The following PDE11A variants were observed in gnomAD, a reference collection of about 807,000 sequenced individuals.
The protein encoded by PDE11A is phosphodiesterase 11A, also known as dual 3',5'-cyclic-AMP and -GMP phosphodiesterase 11A.
A neutral mutation model predicts 100.5 loss-of-function variants in PDE11A; 100 were observed. The observed-to-expected ratio is 1.00, with a 90% CI of 0.85 to 1.18. The LOEUF (loss-of-function observed/expected upper bound fraction) is 1.18, where lower values mean the gene tolerates loss of function less well. Among genes scored for constraint, PDE11A ranks in the 50% most tolerant of loss-of-function variants. The pLI is 0.00. For synonymous variants in PDE11A, 381 were observed against 420.8 expected (o/e 0.91, Z 1.16); for missense variants, 1,141 against 1,152.6 (o/e 0.99, Z 0.15).
intron 2 of PDE11A, among the ~76,000 whole-genome samples, chr2:177,921,209 C>T (rs985080430): frequency 6.7e-6 from 1 of 150,036 alleles, no homozygotes; most frequent in Non-Finnish European, 1.5e-5. Flanking sequence ...TTAATTTTTC[C>T]AAATTTTTGA....
At chr2:178,011,553 C>T (rs918552116) in intron 2 of PDE11A, among the ~76,000 whole-genome samples, 1 of 152,116 alleles carries the variant, frequency 6.6e-6, no homozygotes, top group Non-Finnish European at 1.5e-5. Context: ...GCCACCCTCC[C>T]AGCTACCACC....
chr2:177,909,786 T>G (rs1394301541), intron 2 of PDE11A, among the ~76,000 whole-genome samples: 2 of 84,546 alleles, frequency 2.4e-5, no homozygotes. Context: ...TGATAAATGC[T>G]TTTAGTTTTG....
At chr2:177,759,241 A>C (rs1380945497) in intron 10 of PDE11A, among the ~76,000 whole-genome samples, 1 of 152,138 alleles carries the variant, frequency 6.6e-6, no homozygotes, top group Admixed American at 6.5e-5. Context: ...GCTAATTCAG[A>C]ATAGCTAAAA....
intron 9 of PDE11A, 109 bp downstream of exon 9, chr2:177,816,720 C>A (rs6433697): frequency 0.34 from 259,296 of 762,960 alleles, 48,074 homozygotes; most frequent in African/African-American, 0.64. Context: ...TGATTAAGGC[C>A]CAATGAATAA....
At chr2:178,105,865 A>G in intron 1 of PDE11A, 1 of 346,198 alleles carries the variant, frequency 2.9e-6, no homozygotes, top group Non-Finnish European at 5.1e-6. Flanking sequence ...GTCCAAAAAA[A>G]AAAAAGTGTA....
At chr2:177,853,706 GTGTGTGTT>G (rs1312073253) in intron 5 of PDE11A, among the ~76,000 whole-genome samples, 1,736 of 56,296 alleles carry the variant, frequency 0.031, 105 homozygotes, top group Admixed American at 0.05. Context: ...GTGTGTGTGT[GTGTGTGTT>G]TGTGTGTGTG....
At chr2:177,716,640 GAA>G (rs2081441208) in intron 12 of PDE11A, among the ~76,000 whole-genome samples, 1 of 152,010 alleles carries the variant, frequency 6.6e-6, no homozygotes, top group South Asian at 2.1e-4. Context: ...GGTAAAACTT[GAA>G]AAGTCTATCA....
intron 2 of PDE11A, among the ~76,000 whole-genome samples, chr2:177,942,402 A>AATT (rs201048379): frequency 0.095 from 4,098 of 43,126 alleles, 71 homozygotes; most frequent in Admixed American, 0.15. Context: ...TATTTTTTAA[A>AATT]ATTATTTTTT....
intron 9 of PDE11A, among the ~76,000 whole-genome samples, chr2:177,798,294 AC>A (rs1318537908): frequency 7.2e-5 from 11 of 152,196 alleles, no homozygotes; most frequent in Non-Finnish European, 5.9e-5. Flanking sequence ...GGAGCTCGTT[AC>A]ACTTGGCAGT....
intron 5 of PDE11A, among the ~76,000 whole-genome samples, chr2:177,853,246 T>C (rs1037702753): frequency 6.6e-6 from 1 of 152,088 alleles, no homozygotes; most frequent in Admixed American, 6.6e-5. Context: ...ACATGGGAAA[T>C]AAAACTCACT....
rs900536072 is a variant in PDE11A at position 177,628,012 on chromosome 2, G to T, written c.*1395C>A. 1 of 152,174 alleles carries T rather than the reference G, an allele frequency of 6.6e-6. No individual in the cohort carries two copies. Among genetic ancestry groups the T allele is most frequent in the Non-Finnish European group, 1.5e-5 (1 of 68,020 alleles). 9.4% of individuals were successfully genotyped at this position (152,174 alleles called of 1,614,324 possible). ...CCATGTACGTAATCAAAGAGATGAA[G>T]GTTTGTAGGTGCTCTGGATGTCCAA... On this transcript the variant is annotated 3_prime_UTR_variant, in exon 20 of 20. Coordinates refer to ENST00000286063, the MANE Select transcript of PDE11A (RefSeq NM_016953.4).
At position 177,840,433 on chromosome 2, in the gene PDE11A, T is replaced by C. The variant is rs77738264; in HGVS notation, c.1368-50A>G. On this transcript the variant is annotated intron_variant, in intron 5 of 19. Coordinates refer to ENST00000286063, the MANE Select transcript of PDE11A (RefSeq NM_016953.4). ...GAAGAAAAGAGAGAAACGTAAGTTT[T>C]CTTGAAAGGAAACCCTATAAACTAC... The C allele has an allele frequency of 1.4e-4, 214 of 1,564,644 alleles. 1 individual carries two copies. The African/African-American group carries it at 2.5e-3, about 19-fold the overall frequency.
chr2:177,805,089 A>AT (rs372720196), intron 9 of PDE11A, among the ~76,000 whole-genome samples: 14,424 of 151,030 alleles, frequency 0.096, 724 homozygotes, highest in Middle Eastern at 0.14. Flanking sequence ...TTTAATTAAA[A>AT]AATATATATA....
intron 6 of PDE11A, among the ~76,000 whole-genome samples, chr2:177,835,955 C>T (rs1037714684): frequency 6.6e-6 from 1 of 152,218 alleles, no homozygotes; most frequent in African/African-American, 2.4e-5. Flanking sequence ...TGAGCCTCCC[C>T]ACTGCCGTGG....
At chr2:178,039,382 A>G (rs1329262115) in intron 1 of PDE11A, among the ~76,000 whole-genome samples, 1 of 152,122 alleles carries the variant, frequency 6.6e-6, no homozygotes, top group Admixed American at 6.6e-5. Flanking sequence ...CTACTTAAGG[A>G]TGGAGGGTGA....
chr2:177,874,819 T>C (rs1434242394), intron 5 of PDE11A, among the ~76,000 whole-genome samples: 1 of 152,220 alleles, frequency 6.6e-6, no homozygotes, highest in Non-Finnish European at 1.5e-5. Context: ...AAACTGAAAC[T>C]GTTGGCTTAA....
chr2:177,845,606 G>T (rs1328535573), intron 5 of PDE11A, among the ~76,000 whole-genome samples: 1 of 152,232 alleles, frequency 6.6e-6, no homozygotes, highest in South Asian at 2.1e-4. Flanking sequence ...GGGCAGAGAC[G>T]CTCCTCACTT....
chr2:178,072,899 C>T (rs1490382498), upstream of PDE11A: 3 of 1,128,656 alleles, frequency 2.7e-6, no homozygotes, highest in African/African-American at 3.2e-5. Context: ...AAGTCCACGG[C>T]CCAGGCTGCC....
At chr2:177,668,128 T>C (rs1317976250) in intron 18 of PDE11A, among the ~76,000 whole-genome samples, 3 of 152,198 alleles carry the variant, frequency 2.0e-5, no homozygotes, top group African/African-American at 7.2e-5. Context: ...GCAAAATTAA[T>C]TTCATTTATG....
Sources: gnomAD v4.1 joint callset for allele counts (sites outside exome capture counted in the v4.1 genomes callset) on GRCh38, gnomAD v4.1.1 for gene constraint, MANE v1.5 for transcripts, NCBI Gene and HGNC (gene_info 2026-07-23, HGNC 2026-07-21) for gene names.